The following TESMIN variants were observed in gnomAD, a reference collection of about 807,000 sequenced individuals.
TESMIN encodes the protein testis expressed metallothionein like protein.
TESMIN carries 34 observed loss-of-function variants against 47.4 expected under a neutral mutation model. The ratio of observed to expected loss-of-function variants is 0.72; its 90% CI spans 0.55 to 0.96. TESMIN has a LOEUF of 0.96. TESMIN is among the 40% of genes least tolerant of loss of function. The probability of loss-of-function intolerance (pLI) is 0.00; values close to 1 mark genes in which losing one functional copy is unlikely to be tolerated. For synonymous variants in TESMIN, 278 were observed against 258.9 expected, an observed-to-expected ratio of 1.07 and a Z score of -0.71; for missense variants, 610 against 637.2, an observed-to-expected ratio of 0.96 and a Z score of 0.46.
At chr11:68,709,370 GC>G (rs1594282482) in intron 9 of TESMIN, among the ~76,000 whole-genome samples, 1 of 152,218 alleles carries the variant, frequency 6.6e-6, no homozygotes, top group East Asian at 1.9e-4. Context: ...AGGCCCACGT[GC>G]AGCCAGAGAA....
At chr11:68,738,659 T>G (rs751406921) in intron 6 of TESMIN, 41 bp downstream of exon 6, 4 of 1,610,416 alleles carry the variant, frequency 2.5e-6, no homozygotes. Context: ...GTCTCTTAAA[T>G]TATTACATTA....
At chr11:68,709,414 T>C (rs770479499) in intron 9 of TESMIN, among the ~76,000 whole-genome samples, 23 of 152,218 alleles carry the variant, frequency 1.5e-4, no homozygotes, top group Middle Eastern at 3.2e-3. Flanking sequence ...CTGTCAAACC[T>C]TGGGGTCCTG....
chr11:68,708,305 A>T lies in TESMIN; in HGVS notation c.*3T>A. 1 of 1,591,758 alleles carries T rather than the reference A, an allele frequency of 6.3e-7. No homozygotes were observed. The highest frequency in any genetic ancestry group is 8.6e-7 in the Non-Finnish European group (1 of 1,169,584). ...AAATCAACATGCATTCACACTTTAT[A>T]CTCTACTCCATTTTCAATCCCTTAG... On this transcript the variant is annotated 3_prime_UTR_variant, in exon 10 of 10. Transcript: ENST00000255087.
At chr11:68,745,689 G>A (rs941906534) in intron 3 of TESMIN, among the ~76,000 whole-genome samples, 1 of 152,222 alleles carries the variant, frequency 6.6e-6, no homozygotes, top group Non-Finnish European at 1.5e-5. Flanking sequence ...AGCTTAGAAA[G>A]GTTAGTCCAA....
At chr11:68,746,986 GTCC>G (rs1946528955) in intron 3 of TESMIN, among the ~76,000 whole-genome samples, 1 of 152,152 alleles carries the variant, frequency 6.6e-6, no homozygotes, top group South Asian at 2.1e-4. Flanking sequence ...ATACAGCAAT[GTCC>G]TCATCTTTGT....
rs1946575601 is a variant in TESMIN at position 68,750,301 on chromosome 11, G to A, written c.360C>T (p.Cys120=). Residue 120 remains cysteine (C), a synonymous_variant, in exon 2 of 10, where the codon TGC becomes TGT. Coordinates refer to ENST00000255087, the MANE Select transcript of TESMIN (RefSeq NM_004923.3). ...GCAGCGAGGACAGGAAGTGCACGTT[G>A]CAGGCGGGCGGCTGCGGGGCCTGCA... The part of the protein sequence containing the change: ...ALLQAPQPPA[C]NVHFLSSLLP... The A allele has an allele frequency of 6.5e-7, 1 of 1,534,246 alleles. No individual in the cohort carries two copies. The highest frequency in any genetic ancestry group is 2.4e-5 in the East Asian group (1 of 41,660).
Position 68,708,457 on chromosome 11 carries a change from A to G in TESMIN, c.1378T>C (p.Cys460Arg), listed in dbSNP as rs572823850. ...TCTCCCTGAGCAAGCAGGCAGGCGC[A>G]TGTGGCCTCCACCACCTCCCAGGAG... ...CISWEVVEAT[C>R]ACLLAQGEEA... The change falls in exon 10 of 10, where the codon TGC becomes CGC. Residue 460 changes from cysteine to arginine, a missense_variant. Cys to Arg is a radical substitution (Grantham distance 180). Transcript: ENST00000255087. 3.7e-6 allele frequency: 6 copies of G among 1,613,600 alleles called. No individual in the cohort carries two copies. In the Admixed American group the frequency reaches 8.3e-5, roughly 22 times the overall value.
chr11:68,726,435 C>A lies in TESMIN; in HGVS notation c.918-10496G>T, dbSNP rs189564525. On this transcript the variant is annotated intron_variant, in intron 6 of 9. Coordinates refer to ENST00000255087, the MANE Select transcript of TESMIN (RefSeq NM_004923.3). ...CATTCTCAAAACAAGCCTCAAAGAA[C>A]TCCCACAGGGAAAGCCCCAGTGATT... 4.1e-4 allele frequency among the ~76,000 whole-genome samples: 62 copies of A among 152,242 alleles called. No individual in the cohort carries two copies. The East Asian group carries it at 0.012, about 28-fold the overall frequency.
chr11:68,729,199 G>A (rs538225042), intron 6 of TESMIN, among the ~76,000 whole-genome samples: 1 of 152,326 alleles, frequency 6.6e-6, no homozygotes, highest in East Asian at 1.9e-4. Flanking sequence ...ATGGGAGGAA[G>A]TAAAAATATC....
At chr11:68,712,495 C>T (rs1018281781) in intron 8 of TESMIN, among the ~76,000 whole-genome samples, 7 of 152,138 alleles carry the variant, frequency 4.6e-5, no homozygotes, top group African/African-American at 1.7e-4. Flanking sequence ...TCAAGCAAAC[C>T]AAAACAGAGG....
At chr11:68,727,296 T>C (rs773113976) in intron 6 of TESMIN, among the ~76,000 whole-genome samples, 1 of 152,034 alleles carries the variant, frequency 6.6e-6, no homozygotes, top group African/African-American at 2.4e-5. Flanking sequence ...AAAAATTAGC[T>C]GGGCATGGTG....
rs2153991464 is a variant in TESMIN at position 68,727,571 on chromosome 11, C to A, written c.917+11129G>T. 1.3e-5 allele frequency among the ~76,000 whole-genome samples: 2 copies of A among 152,360 alleles called. 1 individual carries two copies. The highest frequency in any genetic ancestry group is 4.1e-4 in the South Asian group (2 of 4,832). On this transcript the variant is annotated intron_variant, in intron 6 of 9. Coordinates refer to ENST00000255087, the MANE Select transcript of TESMIN (RefSeq NM_004923.3). ...TCCTAGTGGACAGTGCTCCTTCTCA[C>A]TCTATGAAATAATTGTCCAAAAATG...
intron 4 of TESMIN, among the ~76,000 whole-genome samples, chr11:68,743,300 G>A (rs527951597): frequency 1.4e-5 from 2 of 146,382 alleles, no homozygotes; most frequent in African/African-American, 5.1e-5. Flanking sequence ...GTGCAGTAGT[G>A]CGATGTTGGC....
intron 6 of TESMIN, chr11:68,737,083 C>A (rs756883708): frequency 7.1e-6 from 7 of 985,416 alleles, no homozygotes; most frequent in Non-Finnish European, 8.4e-6. Context: ...AGATGAGTAT[C>A]TTCAGAACTG....
intron 6 of TESMIN, among the ~76,000 whole-genome samples, chr11:68,725,053 A>G (rs1013359088): frequency 1.3e-5 from 2 of 152,200 alleles, no homozygotes; most frequent in Non-Finnish European, 2.9e-5. Flanking sequence ...ATCTGTGATA[A>G]GATCATTGTT....
At chr11:68,710,087 AG>A (rs1946044584) in intron 9 of TESMIN, among the ~76,000 whole-genome samples, 1 of 152,100 alleles carries the variant, frequency 6.6e-6, no homozygotes, top group East Asian at 1.9e-4. Flanking sequence ...GAACCTGGGG[AG>A]GTTGAGGCTG....
Position 68,710,934 on chromosome 11 carries a change from T to C in TESMIN, c.1274A>G (p.Glu425Gly). Residue 425 changes from glutamate to glycine, a missense_variant, in exon 9 of 10, where the codon GAA becomes GGA. Transcript: ENST00000255087. ...MPNYMQTGGLEGSHYLPPTKF... is the reference protein window; with the variant it reads ...MPNYMQTGGLGGSHYLPPTKF... ...CGTTGGTGGCAGGTAATGGCTGCCT[T>C]CCAAACCTCCAGTCTGCATGTAGTT... 6.2e-7 allele frequency: 1 copy of C among 1,614,088 alleles called. No homozygotes were observed. The highest frequency in any genetic ancestry group is 8.5e-7 in the Non-Finnish European group (1 of 1,179,986).
intron 6 of TESMIN, among the ~76,000 whole-genome samples, chr11:68,735,658 G>A (rs2153992114): frequency 6.6e-6 from 1 of 152,344 alleles, no homozygotes; most frequent in Admixed American, 6.5e-5. Flanking sequence ...TATACGGACT[G>A]TGCACATGGT....
intron 2 of TESMIN, 37 bp downstream of exon 2, chr11:68,750,153 G>C (rs1056262100): frequency 7.1e-7 from 1 of 1,409,808 alleles, no homozygotes; most frequent in African/African-American, 1.5e-5. Context: ...GGAAGGGATG[G>C]AGGGGGAGCT....
Sources: allele counts gnomAD v4.1 joint callset (sites outside exome capture counted in the v4.1 genomes callset), GRCh38; gene constraint gnomAD v4.1.1; transcripts MANE v1.5; gene names NCBI Gene and HGNC (gene_info 2026-07-23, HGNC 2026-07-21).